RANBP2: variants seen among roughly 807,000 people sequenced by gnomAD.
The protein encoded by RANBP2 is RAN binding protein 2.
In RANBP2, 57 loss-of-function variants were observed where a neutral mutation model predicts 303.6. The ratio of observed to expected loss-of-function variants is 0.19; its 90% CI spans 0.15 to 0.23. RANBP2 has a LOEUF of 0.23. RANBP2 is among the 10% of genes least tolerant of loss of function. RANBP2 has a pLI of 1.00. For missense variants in RANBP2, 3,138 were observed against 3,780.8 expected (o/e 0.83, Z 4.46); for synonymous variants, 1,167 against 1,301.5 (o/e 0.90, Z 2.23).
the RANBP2 span, among the ~76,000 whole-genome samples, chr2:109,297,064 C>T: frequency 6.6e-6 from 1 of 152,008 alleles, no homozygotes; most frequent in Non-Finnish European, 1.5e-5. Flanking sequence ...AACTAGACTG[C>T]AGCTGTTGGT....
At chr2:109,540,958 A>T in the RANBP2 span, among the ~76,000 whole-genome samples, 2 of 152,252 alleles carry the variant, frequency 1.3e-5, no homozygotes, top group African/African-American at 2.4e-5. Flanking sequence ...TATCTAAAAA[A>T]ATTGAGCATG....
At chr2:108,840,170 A>G in the RANBP2 span, among the ~76,000 whole-genome samples, 1 of 152,062 alleles carries the variant, frequency 6.6e-6, no homozygotes, top group Non-Finnish European at 1.5e-5. Flanking sequence ...GAAATATTAA[A>G]GTCTCTGAAA....
At chr2:109,378,336 A>G in the RANBP2 span, among the ~76,000 whole-genome samples, 9 of 152,204 alleles carry the variant, frequency 5.9e-5, no homozygotes, top group African/African-American at 2.2e-4. Flanking sequence ...CAAGAACCAC[A>G]TAGGCAGTGG....
At chr2:108,798,031 C>T in the RANBP2 span, among the ~76,000 whole-genome samples, 117 of 149,866 alleles carry the variant, frequency 7.8e-4, 1 homozygote, top group African/African-American at 2.7e-3. Flanking sequence ...GATCAGTGTG[C>T]TAATCTAGAC....
At chr2:109,000,943 C>A in the RANBP2 span, among the ~76,000 whole-genome samples, 1 of 152,088 alleles carries the variant, frequency 6.6e-6, no homozygotes, top group Non-Finnish European at 1.5e-5. Flanking sequence ...CAGTGCCCTG[C>A]CCTGAGGCCC....
At chr2:109,500,154 G>A in the RANBP2 span, among the ~76,000 whole-genome samples, 1 of 152,140 alleles carries the variant, frequency 6.6e-6, no homozygotes, top group African/African-American at 2.4e-5. Context: ...CACTTTAAAG[G>A]GGACTGGGGT....
At chr2:109,377,332 G>C in the RANBP2 span, among the ~76,000 whole-genome samples, 5 of 152,184 alleles carry the variant, frequency 3.3e-5, no homozygotes, top group African/African-American at 1.2e-4. Flanking sequence ...ATGAGAGGTG[G>C]AGGTGGGGCC....
At chr2:108,801,026 A>G in the RANBP2 span, among the ~76,000 whole-genome samples, 12 of 52,624 alleles carry the variant, frequency 2.3e-4, 1 homozygote, top group African/African-American at 6.2e-4. Flanking sequence ...CCAGTCTATC[A>G]TTGTTGGACA....
the RANBP2 span, among the ~76,000 whole-genome samples, chr2:109,325,497 T>C: frequency 6.6e-6 from 1 of 151,944 alleles, no homozygotes; most frequent in Non-Finnish European, 1.5e-5. Context: ...TGTGCCACCA[T>C]GTACAGCATA....
chr2:109,509,532 G>A, the RANBP2 span, among the ~76,000 whole-genome samples: 23 of 152,138 alleles, frequency 1.5e-4, no homozygotes, highest in Admixed American at 3.3e-4. Flanking sequence ...ATCTCTGTGC[G>A]TCTGTATCCA....
the RANBP2 span, among the ~76,000 whole-genome samples, chr2:109,450,909 AC>A: frequency 1.3e-5 from 2 of 152,240 alleles, no homozygotes; most frequent in Non-Finnish European, 2.9e-5. Context: ...CACCCTGGAC[AC>A]TAGATGGTGT....
Position 108,783,705 on chromosome 2 carries a change from T to C in RANBP2, c.9479T>C (p.Met3160Thr), listed in dbSNP as rs752934981. Residue 3160 changes from methionine (M) to threonine (T), a missense_variant, in exon 29 of 29, where the codon ATG becomes ACG. Transcript: ENST00000283195. ...VKHTGPGLLS[M>T]ANQGQNTNNS... ...CATACTGGTCCTGGTTTACTATCCA[T>C]GGCCAATCAAGGCCAGAATACCAAT... 3 of 1,611,696 alleles carry C rather than the reference T, an allele frequency of 1.9e-6. No individual in the cohort carries two copies. Among genetic ancestry groups the C allele is most frequent in the Admixed American group, 3.3e-5 (2 of 60,020 alleles).
chr2:108,996,778 T>C, the RANBP2 span, among the ~76,000 whole-genome samples: 1 of 152,286 alleles, frequency 6.6e-6, no homozygotes, highest in East Asian at 1.9e-4. Context: ...TTCTTGCTCA[T>C]GTCACATCTG....
chr2:108,875,886 C>G, the RANBP2 span, among the ~76,000 whole-genome samples: 1 of 152,116 alleles, frequency 6.6e-6, no homozygotes, highest in Non-Finnish European at 1.5e-5. Flanking sequence ...CTTTTTTCCC[C>G]AGTGGTTTTC....
At chr2:108,918,331 T>G in the RANBP2 span, among the ~76,000 whole-genome samples, 14 of 152,308 alleles carry the variant, frequency 9.2e-5, no homozygotes, top group Middle Eastern at 3.4e-3. Context: ...ATATACAGTG[T>G]CTGGAGGTTT....
the RANBP2 span, among the ~76,000 whole-genome samples, chr2:109,682,529 T>C: frequency 2.0e-5 from 3 of 152,082 alleles, no homozygotes; most frequent in Non-Finnish European, 4.4e-5. Context: ...TAAAGGCCCT[T>C]AGGGATCAGC....
the RANBP2 span, among the ~76,000 whole-genome samples, chr2:109,484,611 T>A: frequency 6.6e-6 from 1 of 152,210 alleles, no homozygotes; most frequent in Non-Finnish European, 1.5e-5. Context: ...TGGTCCATCA[T>A]ATCTAGTACC....
At chr2:109,293,690 T>C in the RANBP2 span, among the ~76,000 whole-genome samples, 1 of 152,216 alleles carries the variant, frequency 6.6e-6, no homozygotes, top group African/African-American at 2.4e-5. Context: ...GGAAAGTGAG[T>C]GTCCTGTCCT....
At position 108,754,171 on chromosome 2, in the gene RANBP2, A is replaced by G. The variant is rs568975076; in HGVS notation, c.2202+200A>G. On this transcript the variant is annotated intron_variant, in intron 15 of 28. Transcript: ENST00000283195. ...TGTGTCTTTTTAAACTTGGGAATCTAGGTATATGCTCTTAAAAAGTACTTC... is the reference window on the plus strand; with the variant it reads ...TGTGTCTTTTTAAACTTGGGAATCTGGGTATATGCTCTTAAAAAGTACTTC... Among the ~76,000 whole-genome samples the G allele has an allele frequency of 4.6e-5, 7 of 152,188 alleles. No individual in the cohort carries two copies. In the East Asian group the frequency reaches 1.4e-3, roughly 29 times the overall value.
Sources: allele counts gnomAD v4.1 joint callset (sites outside exome capture counted in the v4.1 genomes callset), GRCh38; gene constraint gnomAD v4.1.1; transcripts MANE v1.5; gene names NCBI Gene and HGNC (gene_info 2026-07-23, HGNC 2026-07-21).